The following RORC variants were observed in gnomAD, a reference collection of about 807,000 sequenced individuals.
The protein encoded by RORC is RAR related orphan receptor C.
A neutral mutation model predicts 64.5 loss-of-function variants in RORC; 13 were observed. That is an observed-to-expected ratio of 0.20 (90% CI 0.13 to 0.32). The LOEUF (loss-of-function observed/expected upper bound fraction) is 0.32. Ranked by LOEUF, RORC falls within the 10% of genes least tolerant of loss-of-function variation. The pLI, the probability that RORC is intolerant of heterozygous loss-of-function variation, is 1.00. For synonymous variants in RORC, 277 were observed against 259.3 expected, an observed-to-expected ratio of 1.07 and a Z score of -0.65; for missense variants, 468 against 669.5, an observed-to-expected ratio of 0.70 and a Z score of 3.32.
chr1:151,815,993 C>G (rs1230434973), intron 4 of RORC, among the ~76,000 whole-genome samples: 4 of 152,226 alleles, frequency 2.6e-5, no homozygotes. Context: ...CAGCCCCTCG[C>G]CCCGCCTGCC....
chr1:151,812,898 C>A, intron 9 of RORC, 49 bp downstream of exon 9: 1 of 1,224,114 alleles, frequency 8.2e-7, no homozygotes, highest in South Asian at 1.2e-5. Flanking sequence ...CAATATCTGC[C>A]ATGCCCCTGC....
intron 4 of RORC, among the ~76,000 whole-genome samples, chr1:151,815,727 C>T (rs1228869848): frequency 6.6e-6 from 1 of 152,196 alleles, no homozygotes; most frequent in African/African-American, 2.4e-5. Context: ...ATTCTGGCCT[C>T]CAGATCTTGG....
rs1651703538 is a variant in RORC, at chr1:151,815,076, G to A, written c.648C>T (p.Ser216=). 6.2e-7 allele frequency: 1 copy of A among 1,614,246 alleles called. No homozygotes were observed. The change falls in exon 5 of 11, where the codon AGC becomes AGT. Residue 216 remains serine (S), a synonymous_variant. Transcript: ENST00000318247. Reference sequence around the variant, plus strand: ...TCAGCTGGCTGCCTGTGCTATAGAAGCTCTCTCTGCCCTCAGCCTTGCCCC... The same window carrying A: ...TCAGCTGGCTGCCTGTGCTATAGAAACTCTCTCTGCCCTCAGCCTTGCCCC... ...PERGKAEGRE[S]FYSTGSQLTP...
chr1:151,813,556 TC>T lies in RORC; in HGVS notation c.997del (p.Glu333SerfsTer75), dbSNP rs1289470985. On this transcript the variant is annotated frameshift_variant, in exon 7 of 11. Coordinates refer to ENST00000318247, the MANE Select transcript of RORC (RefSeq NM_005060.4). LOFTEE classifies it high-confidence loss of function. ...HLTEAIQYVV[E>X]FAKRLSGFME... Reference sequence around the variant, plus strand: ...AAAGCCTGAGAGCCTCTTGGCGAACTCCACCACGTACTGAATGGCCTCGGTG... The same window carrying T: ...AAAGCCTGAGAGCCTCTTGGCGAACTCACCACGTACTGAATGGCCTCGGTG... 6.2e-7 allele frequency: 1 copy of T among 1,614,106 alleles called. No homozygotes were observed. Among genetic ancestry groups the T allele is most frequent in the Non-Finnish European group, 8.5e-7 (1 of 1,179,996 alleles).
At chr1:151,822,333 G>A (rs1334123996) in intron 2 of RORC, among the ~76,000 whole-genome samples, 5 of 152,202 alleles carry the variant, frequency 3.3e-5, no homozygotes, top group African/African-American at 7.2e-5. Flanking sequence ...GGGAGAAGTG[G>A]TTCTACCTGG....
At position 151,813,291 on chromosome 1, in the gene RORC, G is replaced by A; in HGVS notation, c.1122C>T (p.Arg374=). 2 of 1,614,148 alleles carry A rather than the reference G, an allele frequency of 1.2e-6. No individual in the cohort carries two copies. The highest frequency in any genetic ancestry group is 1.7e-6 in the Non-Finnish European group (2 of 1,180,028). Residue 374 remains arginine, a synonymous_variant, in exon 8 of 11, where the codon CGC becomes CGT. Transcript: ENST00000318247. Reference sequence around the variant, plus strand: ...CGTATTTGCCTTCAAAAAAGACCGTGCGGTTGTCAGCATTGTAGGCCCGGC... The same window carrying A: ...CGTATTTGCCTTCAAAAAAGACCGTACGGTTGTCAGCATTGTAGGCCCGGC... ...RMCRAYNADN[R]TVFFEGKYGG... is the part of the protein sequence containing the mutation.
At chr1:151,829,571 T>C (rs1179090005) in intron 1 of RORC, 113 bp from the exon 2 acceptor site, 2 of 1,038,668 alleles carry the variant, frequency 1.9e-6, no homozygotes, top group Non-Finnish European at 2.7e-6. Context: ...GAGCCTGGCG[T>C]CTGAAGGGCA....
chr1:151,814,483 C>T, intron 6 of RORC, 91 bp downstream of exon 6: 1 of 1,412,392 alleles, frequency 7.1e-7, no homozygotes, highest in Non-Finnish European at 9.7e-7. Context: ...TCCCGCCCTG[C>T]CCCAGGACCC....
chr1:151,815,546 A>G, intron 4 of RORC, 121 bp from the exon 5 acceptor site: 1 of 1,302,696 alleles, frequency 7.7e-7, no homozygotes, highest in Non-Finnish European at 1.0e-6. Context: ...GACTCCAAGC[A>G]CAGCTTCTCT....
In RORC at chr1:151,813,011, T is replaced by C; in HGVS notation, c.1221A>G (p.Leu407=). The C allele has an allele frequency of 1.2e-6, 2 of 1,613,984 alleles. No individual in the cohort carries two copies. Among genetic ancestry groups the C allele is most frequent in the East Asian group, 2.2e-5 (1 of 44,878 alleles). Residue 407 remains leucine (L), a synonymous_variant, in exon 9 of 11, where the codon CTA becomes CTG. Coordinates refer to ENST00000318247, the MANE Select transcript of RORC (RefSeq NM_005060.4). ...ISSIFDFSHS[L]SALHFSEDEI... Reference sequence around the variant, plus strand: ...CATCCTCGGAAAAGTGCAAGGCACTTAGGGAGTGGGAGAAGTCAAAGATGG... The same window carrying C: ...CATCCTCGGAAAAGTGCAAGGCACTCAGGGAGTGGGAGAAGTCAAAGATGG...
At chr1:151,826,072 C>T in intron 2 of RORC, 1 of 1,512,326 alleles carries the variant, frequency 6.6e-7, no homozygotes, top group Admixed American at 2.1e-5. Flanking sequence ...CTGCACCTAG[C>T]TCTCTCCCCC....
chr1:151,809,299 C>T (rs1651430135), intron 10 of RORC, among the ~76,000 whole-genome samples: 1 of 152,136 alleles, frequency 6.6e-6, no homozygotes, highest in Non-Finnish European at 1.5e-5. Context: ...GAGGCTGAGG[C>T]AGGACAATCG....
rs145047246 is a variant in RORC, at chr1:151,819,133, G to T, written c.71-1853C>A. On this transcript the variant is annotated intron_variant, in intron 2 of 10. Transcript: ENST00000318247. ...AAGTGAGTTTTCCAGGTTCTTTCCAGTAAATTAAGAGCAGATTTTAATACA... is the reference window on the plus strand; with the variant it reads ...AAGTGAGTTTTCCAGGTTCTTTCCATTAAATTAAGAGCAGATTTTAATACA... Among the ~76,000 whole-genome samples, 303 of 152,236 alleles carry T rather than the reference G, an allele frequency of 2.0e-3. 1 individual carries two copies. Among genetic ancestry groups the T allele is most frequent in the African/African-American group, 7.1e-3 (297 of 41,542 alleles).
At chr1:151,825,946 T>C in intron 2 of RORC, 1 of 1,613,586 alleles carries the variant, frequency 6.2e-7, no homozygotes, top group Non-Finnish European at 8.5e-7. Flanking sequence ...TGACTGAGCC[T>C]TGGCTCTGCC....
intron 2 of RORC, among the ~76,000 whole-genome samples, chr1:151,828,074 G>A (rs912957451): frequency 1.3e-5 from 2 of 152,134 alleles, no homozygotes; most frequent in Non-Finnish European, 1.5e-5. Flanking sequence ...ATTATGCTGA[G>A]CAAAGCAACC....
rs770837173 is a variant in RORC, at chr1:151,831,002, T to C, written c.40+723A>G. 7 of 1,289,302 alleles carry C rather than the reference T, an allele frequency of 5.4e-6. No homozygotes were observed. The South Asian group carries it at 8.6e-5, about 16-fold the overall frequency. 79.9% of individuals were successfully genotyped at this position (1,289,302 alleles called of 1,614,324 possible). ...CTGGCCCTCAAACTTTCCTCCTCCATGCTCACAGCTGACCAAGCCTGTGGC... is the reference window on the plus strand; with the variant it reads ...CTGGCCCTCAAACTTTCCTCCTCCACGCTCACAGCTGACCAAGCCTGTGGC... On this transcript the variant is annotated intron_variant, in intron 1 of 10. Coordinates refer to ENST00000318247, the MANE Select transcript of RORC (RefSeq NM_005060.4).
In RORC at chr1:151,807,592, A is replaced by G. The variant is rs529284018; in HGVS notation, c.1437T>C (p.His479=). 11 of 1,614,172 alleles carry G rather than the reference A, an allele frequency of 6.8e-6. No individual in the cohort carries two copies. In the South Asian group the frequency reaches 7.7e-5, roughly 11 times the overall value. The change falls in exon 11 of 11, where the codon CAT becomes CAC. Residue 479 remains histidine (H), a synonymous_variant. Transcript: ENST00000318247. The surrounding 1 kb of genome is among the most constrained non-coding windows in gnomAD (Gnocchi z 5.0). The part of the protein sequence containing the change: ...KGKLRSLCSQ[H]VERLQIFQHL... ...GCTGGAAGATCTGCAGCCTTTCCAC[A>G]TGCTGGCTACACAGGCTCCGAAGCT...
chr1:151,816,609 G>A, intron 4 of RORC, 55 bp downstream of exon 4: 1 of 1,524,718 alleles, frequency 6.6e-7, no homozygotes, highest in East Asian at 2.4e-5. Context: ...AGCAGGCCAG[G>A]CTGCCCCTCT....
At chr1:151,826,883 C>A (rs1652214864) in intron 2 of RORC, among the ~76,000 whole-genome samples, 1 of 152,174 alleles carries the variant, frequency 6.6e-6, no homozygotes, top group Non-Finnish European at 1.5e-5. Context: ...TTTGGGAGCC[C>A]AAGGTGGGTG....
Sources: gnomAD v4.1 joint callset for allele counts (sites outside exome capture counted in the v4.1 genomes callset) on GRCh38, gnomAD v4.1.1 for gene constraint, Gnocchi (gnomAD v3.1) non-coding constraint, MANE v1.5 for transcripts, NCBI Gene and HGNC (gene_info 2026-07-23, HGNC 2026-07-21) for gene names.